Variants in GPATCH2 observed in about 807,000 individuals in gnomAD.
GPATCH2 encodes G patch domain-containing protein 2.
In GPATCH2, 51 loss-of-function variants were observed where a neutral mutation model predicts 58.0. The ratio of observed to expected loss-of-function variants is 0.88; its 90% CI spans 0.70 to 1.11. The LOEUF is 1.11. Ranked by LOEUF, GPATCH2 falls within the 50% of genes most tolerant of loss-of-function variation. GPATCH2 has a pLI of 0.00. For synonymous variants in GPATCH2, 222 were observed against 218.5 expected (o/e 1.02, Z -0.14); for missense variants, 625 against 652.2 (o/e 0.96, Z 0.45).
chr1:217,560,345 C>T (rs1228746732), intron 5 of GPATCH2, among the ~76,000 whole-genome samples: 3 of 152,198 alleles, frequency 2.0e-5, no homozygotes, highest in South Asian at 2.1e-4. Context: ...TTTTGGAAGT[C>T]ACTGTTTGAC....
chr1:217,486,764 CCA>C (rs563547423), intron 8 of GPATCH2, among the ~76,000 whole-genome samples: 98 of 152,304 alleles, frequency 6.4e-4, no homozygotes, highest in Admixed American at 1.2e-3. Flanking sequence ...CACCGGAAAA[CCA>C]CAGTCATCAC....
intron 5 of GPATCH2, among the ~76,000 whole-genome samples, chr1:217,591,568 T>C (rs1667592990): frequency 6.6e-6 from 1 of 152,084 alleles, no homozygotes; most frequent in South Asian, 2.1e-4. Context: ...ACTTCCTCTT[T>C]TGAAAGGTGA....
intron 9 of GPATCH2, among the ~76,000 whole-genome samples, chr1:217,431,804 C>A (rs1180105485): frequency 6.6e-6 from 1 of 152,154 alleles, no homozygotes; most frequent in Non-Finnish European, 1.5e-5. Flanking sequence ...TAATATCTCA[C>A]ATTTGCCCAT....
chr1:217,590,002 G>A (rs888837186), intron 5 of GPATCH2, among the ~76,000 whole-genome samples: 1 of 151,026 alleles, frequency 6.6e-6, no homozygotes, highest in African/African-American at 2.4e-5. Flanking sequence ...AGACCAAAGA[G>A]AAACTATGGT....
intron 5 of GPATCH2, among the ~76,000 whole-genome samples, chr1:217,565,211 AG>A (rs1176653711): frequency 6.6e-6 from 1 of 152,236 alleles, no homozygotes; most frequent in Non-Finnish European, 1.5e-5. Context: ...GAATTCCTTT[AG>A]TCCAACGCTT....
intron 6 of GPATCH2, among the ~76,000 whole-genome samples, chr1:217,514,151 CT>C (rs1033617311): frequency 2.0e-5 from 3 of 147,260 alleles, no homozygotes; most frequent in African/African-American, 5.0e-5. Flanking sequence ...GCAAAACAGT[CT>C]TTTACTCCTT....
intron 1 of GPATCH2, among the ~76,000 whole-genome samples, chr1:217,630,167 G>A (rs1669676184): frequency 6.6e-6 from 1 of 152,162 alleles, no homozygotes; most frequent in Admixed American, 6.5e-5. Context: ...CCCAAATCAG[G>A]ATTCTAGCTC....
At chr1:217,630,448 ACCCTCTCT>A (rs1192992564) in intron 1 of GPATCH2, among the ~76,000 whole-genome samples, 1 of 152,094 alleles carries the variant, frequency 6.6e-6, no homozygotes, top group Non-Finnish European at 1.5e-5. Context: ...CAGGTAGGTT[ACCCTCTCT>A]CTTTAAAAAA....
At chr1:217,465,907 C>T (rs1414725337) in intron 8 of GPATCH2, among the ~76,000 whole-genome samples, 4 of 152,302 alleles carry the variant, frequency 2.6e-5, no homozygotes, top group Middle Eastern at 3.4e-3. Flanking sequence ...GGAAAATGCA[C>T]ATTGAGCATC....
intron 5 of GPATCH2, among the ~76,000 whole-genome samples, chr1:217,578,655 C>G (rs538500716): frequency 6.6e-6 from 1 of 152,194 alleles, no homozygotes; most frequent in Non-Finnish European, 1.5e-5. Context: ...CTGTGTTTTA[C>G]TGACTGAATA....
chr1:217,458,308 A>G (rs1018334786), intron 8 of GPATCH2, among the ~76,000 whole-genome samples: 1 of 152,180 alleles, frequency 6.6e-6, no homozygotes, highest in Admixed American at 6.5e-5. Flanking sequence ...TAGTCCAATG[A>G]TATCATTCCT....
At chr1:217,583,164 G>T (rs1228316029) in intron 5 of GPATCH2, among the ~76,000 whole-genome samples, 1 of 152,142 alleles carries the variant, frequency 6.6e-6, no homozygotes, top group Non-Finnish European at 1.5e-5. Flanking sequence ...CAGAACCGAA[G>T]ATATTACCTG....
rs530120848 is a variant in GPATCH2 at position 217,598,094 on chromosome 1, A to G, written c.1098+12227T>C. On this transcript the variant is annotated intron_variant, in intron 5 of 9. Coordinates refer to ENST00000366935, the MANE Select transcript of GPATCH2 (RefSeq NM_018040.5). The stretch of plus-strand genomic sequence containing the variant: ...ACTAGTGGCGGAAAACTGCCTATAA[A>G]ACATAGGGTCGGTGGGCGCAGTGGC... Among the ~76,000 whole-genome samples the G allele has an allele frequency of 4.6e-5, 7 of 152,306 alleles. No homozygotes were observed. The South Asian group carries it at 1.2e-3, about 27-fold the overall frequency.
At chr1:217,490,739 T>C (rs1381681668) in intron 8 of GPATCH2, among the ~76,000 whole-genome samples, 1 of 152,252 alleles carries the variant, frequency 6.6e-6, no homozygotes, top group African/African-American at 2.4e-5. Flanking sequence ...ATAGTTATTT[T>C]ATAATCTATA....
intron 8 of GPATCH2, among the ~76,000 whole-genome samples, chr1:217,468,179 C>T (rs1660547145): frequency 6.6e-6 from 1 of 152,096 alleles, no homozygotes; most frequent in Non-Finnish European, 1.5e-5. Flanking sequence ...GTAACTAGAA[C>T]ATATTAAAAG....
At chr1:217,455,247 G>C (rs546769505) in intron 8 of GPATCH2, among the ~76,000 whole-genome samples, 1 of 152,080 alleles carries the variant, frequency 6.6e-6, no homozygotes, top group Non-Finnish European at 1.5e-5. Flanking sequence ...TTCAGAACTC[G>C]GTAATTGCCT....
At position 217,433,083 on chromosome 1, in the gene GPATCH2, T is replaced by G. The variant is rs1209273637; in HGVS notation, c.1367-1718A>C. 3.9e-5 allele frequency among the ~76,000 whole-genome samples: 6 copies of G among 152,160 alleles called. No homozygotes were observed. In the East Asian group the frequency reaches 9.7e-4, roughly 25 times the overall value. ...ACCAATCTACACCTCACCCTGCCCC[T>G]ATCCCTTTCCCATCATCAGTTTTCT... On this transcript the variant is annotated intron_variant, in intron 9 of 9. Transcript: ENST00000366935.
At chr1:217,515,329 C>T (rs1224859642) in intron 5 of GPATCH2, among the ~76,000 whole-genome samples, 1 of 152,040 alleles carries the variant, frequency 6.6e-6, no homozygotes, top group Non-Finnish European at 1.5e-5. Flanking sequence ...ATCTCCTGCC[C>T]TCGTGATCTG....
At chr1:217,537,343 C>T (rs1253007938) in intron 5 of GPATCH2, among the ~76,000 whole-genome samples, 3 of 152,074 alleles carry the variant, frequency 2.0e-5, no homozygotes, top group Non-Finnish European at 4.4e-5. Flanking sequence ...CTACTTAAGA[C>T]AGTGTGTGGC....
Sources: allele counts gnomAD v4.1 joint callset (sites outside exome capture counted in the v4.1 genomes callset), GRCh38; gene constraint gnomAD v4.1.1; transcripts MANE v1.5; gene names NCBI Gene and HGNC (gene_info 2026-07-23, HGNC 2026-07-21).